Variants in RARB observed in about 807,000 individuals in gnomAD.
The protein encoded by RARB is HBV-activated protein.
In RARB, 17 loss-of-function variants were observed where a neutral mutation model predicts 51.9. The ratio of observed to expected loss-of-function variants is 0.33; its 90% CI spans 0.22 to 0.49. The LOEUF is 0.49. Among genes scored for constraint, RARB ranks in the 20% least tolerant of loss-of-function variants. The probability of loss-of-function intolerance (pLI) is 0.99; values close to 1 mark genes in which losing one functional copy is unlikely to be tolerated. For synonymous variants in RARB, 215 were observed against 195.4 expected (o/e 1.10, Z -0.84); for missense variants, 369 against 550.8 (o/e 0.67, Z 3.30).
chr3:25,088,642 A>G (rs182325959), intron 3 of RARB, among the ~76,000 whole-genome samples: 2 of 152,202 alleles, frequency 1.3e-5, no homozygotes, highest in African/African-American at 4.8e-5. Flanking sequence ...GACCACCTCA[A>G]GATGGCTTAT....
intron 1 of RARB, among the ~76,000 whole-genome samples, chr3:25,444,154 A>G (rs1017696985): frequency 6.6e-6 from 1 of 152,174 alleles, no homozygotes; most frequent in African/African-American, 2.4e-5. Flanking sequence ...GCCTGAAGAG[A>G]AAGGCCCTGT....
chr3:25,433,238 A>T (rs556896346), intron 1 of RARB, among the ~76,000 whole-genome samples: 1 of 152,248 alleles, frequency 6.6e-6, no homozygotes, highest in East Asian at 1.9e-4. Flanking sequence ...TATCCTGCAC[A>T]GTTCCCACAT....
rs568068559 is a variant in RARB at position 25,139,349 on chromosome 3, T to C, written c.-280+7141T>C. ...GTGGAAGAAAAGTTCTTGAAGGAAATTAAAAGTGCTACTCCAGTGAGCACA... is the reference window on the plus strand; with the variant it reads ...GTGGAAGAAAAGTTCTTGAAGGAAACTAAAAGTGCTACTCCAGTGAGCACA... On this transcript the variant is annotated intron_variant, in intron 4 of 11. Coordinates refer to the RARB transcript ENST00000383772. Among the ~76,000 whole-genome samples, 224 of 152,246 alleles carry C rather than the reference T, an allele frequency of 1.5e-3. 3 individuals carry two copies. The highest frequency in any genetic ancestry group is 5.2e-3 in the African/African-American group (214 of 41,550).
chr3:25,368,904 G>C (rs145362219), intron 5 of RARB, among the ~76,000 whole-genome samples: 6 of 152,164 alleles, frequency 3.9e-5, no homozygotes, highest in African/African-American at 1.4e-4. Flanking sequence ...CACTGTTATG[G>C]GATTACAAGT....
At chr3:25,264,751 T>G (rs1703086016) in intron 5 of RARB, among the ~76,000 whole-genome samples, 1 of 152,192 alleles carries the variant, frequency 6.6e-6, no homozygotes, top group Non-Finnish European at 1.5e-5. Flanking sequence ...GGTTTTTCCT[T>G]CTGCATGGGT....
At chr3:25,309,311 T>TG (rs1704229530) in intron 5 of RARB, among the ~76,000 whole-genome samples, 1 of 150,002 alleles carries the variant, frequency 6.7e-6, no homozygotes, top group Non-Finnish European at 1.5e-5. Flanking sequence ...ATTTTTTGTT[T>TG]TTTTTTTTTA....
chr3:25,428,927 A>C, intron 1 of RARB, 39 bp downstream of exon 1: 3 of 1,569,410 alleles, frequency 1.9e-6, no homozygotes, highest in Non-Finnish European at 2.6e-6. Context: ...CAAGAAAAAA[A>C]AAATTGTCTC....
intron 2 of RARB, among the ~76,000 whole-genome samples, chr3:24,920,022 G>A (rs1177450628): frequency 6.6e-6 from 1 of 152,172 alleles, no homozygotes; most frequent in Non-Finnish European, 1.5e-5. Context: ...TCTTTGAGAG[G>A]TTGGGAGGAT....
intron 2 of RARB, among the ~76,000 whole-genome samples, chr3:24,981,637 G>A (rs1696676432): frequency 6.6e-6 from 1 of 152,136 alleles, no homozygotes; most frequent in African/African-American, 2.4e-5. Flanking sequence ...GAAGACCATG[G>A]GAAAAGCATA....
intron 3 of RARB, among the ~76,000 whole-genome samples, chr3:25,106,864 T>A (rs1432780259): frequency 1.3e-5 from 2 of 150,816 alleles, no homozygotes; most frequent in Non-Finnish European, 2.9e-5. Context: ...GACTCCAGAT[T>A]CCATTTTTTT....
intron 2 of RARB, among the ~76,000 whole-genome samples, chr3:24,871,627 C>G: frequency 6.6e-6 from 1 of 152,132 alleles, no homozygotes; most frequent in East Asian, 1.9e-4. Flanking sequence ...ATTCAATGTT[C>G]TCGCCCAAAC....
At chr3:24,930,600 G>A (rs1246739525) in intron 2 of RARB, among the ~76,000 whole-genome samples, 1 of 152,042 alleles carries the variant, frequency 6.6e-6, no homozygotes, top group Non-Finnish European at 1.5e-5. Context: ...TTAAATACAT[G>A]CTTGTCTATC....
At chr3:24,898,928 A>C (rs2125369968) in intron 2 of RARB, among the ~76,000 whole-genome samples, 1 of 152,166 alleles carries the variant, frequency 6.6e-6, no homozygotes, top group South Asian at 2.1e-4. Flanking sequence ...TTCTCCATAA[A>C]CTTCTATGTA....
At chr3:25,160,569 G>C (rs1379490336) in intron 4 of RARB, among the ~76,000 whole-genome samples, 1 of 152,218 alleles carries the variant, frequency 6.6e-6, no homozygotes, top group East Asian at 1.9e-4. Context: ...GAATCCAGGA[G>C]AAATAATTGG....
chr3:25,108,437 T>C (rs1699546750), intron 3 of RARB, among the ~76,000 whole-genome samples: 1 of 152,180 alleles, frequency 6.6e-6, no homozygotes, highest in African/African-American at 2.4e-5. Context: ...CTCTATCACC[T>C]GGTATCTTGA....
intron 2 of RARB, among the ~76,000 whole-genome samples, chr3:24,879,992 C>A (rs10865800): frequency 0.26 from 26,954 of 105,314 alleles, 3,729 homozygotes; most frequent in East Asian, 0.58. Context: ...ACTGAAGCTC[C>A]AGAGCCCCTA....
chr3:25,440,104 A>G (rs1365371383), intron 1 of RARB, among the ~76,000 whole-genome samples: 1 of 86,488 alleles, frequency 1.2e-5, no homozygotes, highest in Non-Finnish European at 3.2e-5. Flanking sequence ...TGTATTTGAC[A>G]CATGATGCTC....
intron 2 of RARB, among the ~76,000 whole-genome samples, chr3:24,860,998 A>G (rs1048843147): frequency 1.3e-5 from 2 of 152,158 alleles, no homozygotes; most frequent in Admixed American, 6.5e-5. Context: ...TCACCTATTG[A>G]TGCATTTCTC....
chr3:25,362,635 TG>T (rs1705981242), intron 5 of RARB, among the ~76,000 whole-genome samples: 1 of 152,326 alleles, frequency 6.6e-6, no homozygotes, highest in African/African-American at 2.4e-5. Flanking sequence ...GTCTGTGGGT[TG>T]CAAAGACCAT....
Sources: allele counts gnomAD v4.1 joint callset (sites outside exome capture counted in the v4.1 genomes callset), GRCh38; gene constraint gnomAD v4.1.1; transcripts MANE v1.5; gene names NCBI Gene and HGNC (gene_info 2026-07-23, HGNC 2026-07-21).